The following CEP85L variants were observed in gnomAD, a reference collection of about 807,000 sequenced individuals.
The protein encoded by CEP85L is centrosomal protein 85L, also known as centrosomal protein of 85 kDa-like.
Under a neutral mutation model 100.3 loss-of-function variants are expected in CEP85L, and 60 were observed. The observed-to-expected ratio is 0.60, with a 90% CI of 0.49 to 0.74. The LOEUF is 0.74. CEP85L is among the 30% of genes least tolerant of loss of function. The pLI is 0.00. For missense variants in CEP85L, 973 were observed against 936.2 expected (o/e 1.04, Z -0.51); for synonymous variants, 319 against 322.7 (o/e 0.99, Z 0.12).
intron 4 of CEP85L, among the ~76,000 whole-genome samples, chr6:118,517,781 G>A (rs1034029114): frequency 6.6e-6 from 1 of 152,188 alleles, no homozygotes; most frequent in Non-Finnish European, 1.5e-5. Flanking sequence ...ATGTTGAAGA[G>A]GAGTGTGAGA....
At chr6:118,616,922 G>T (rs1173061080) in intron 2 of CEP85L, among the ~76,000 whole-genome samples, 2 of 150,646 alleles carry the variant, frequency 1.3e-5, no homozygotes, top group African/African-American at 4.9e-5. Flanking sequence ...TCCAGCCTGG[G>T]CAAGAGAGCG....
At chr6:118,627,053 GC>G (rs1424688848) in intron 2 of CEP85L, among the ~76,000 whole-genome samples, 1 of 151,916 alleles carries the variant, frequency 6.6e-6, no homozygotes, top group Admixed American at 6.5e-5. Context: ...AGAAAAATTA[GC>G]CAGGCATGGT....
At chr6:118,682,104 A>G (rs1020104723) in intron 1 of CEP85L, among the ~76,000 whole-genome samples, 8 of 152,174 alleles carry the variant, frequency 5.3e-5, no homozygotes, top group Admixed American at 4.6e-4. Flanking sequence ...TCTTACTTAC[A>G]GGCCACCTCA....
At chr6:118,632,659 G>A in intron 1 of CEP85L, 48 bp from the exon 2 acceptor site, 4 of 1,507,012 alleles carry the variant, frequency 2.7e-6, no homozygotes, top group South Asian at 1.3e-5. Flanking sequence ...TGAGTAGGCA[G>A]AAGATTTTTT....
chr6:118,465,451 G>C lies in CEP85L; in HGVS notation c.2372C>G (p.Ser791Ter). 1 of 1,613,548 alleles carries C rather than the reference G, an allele frequency of 6.2e-7. No individual in the cohort carries two copies. Among genetic ancestry groups the C allele is most frequent in the South Asian group, 1.1e-5 (1 of 91,066 alleles). Residue 791 changes from serine (S) to a stop codon, truncating the protein, a stop_gained, in exon 13 of 13, where the codon TCA becomes TGA. Coordinates refer to ENST00000368491, the MANE Select transcript of CEP85L (RefSeq NM_001042475.3). LOFTEE classifies it high-confidence loss of function. Reference protein sequence around the residue: ...RDIDELRTTISDRYAQDMGDN... With the variant: ...RDIDELRTTI ...TCCCATGTCCTGAGCATAGCGGTCT[G>C]ATATTGTAGTCCTTAATTCATCAAT... is the stretch of plus-strand genomic sequence containing the variant.
At chr6:118,647,879 AT>A (rs1396762720) in intron 1 of CEP85L, among the ~76,000 whole-genome samples, 1 of 152,232 alleles carries the variant, frequency 6.6e-6, no homozygotes, top group Non-Finnish European at 1.5e-5. Context: ...CAATTGTTCT[AT>A]TTTAAATTAG....
At chr6:118,650,160 G>A (rs1775452838) in intron 1 of CEP85L, among the ~76,000 whole-genome samples, 1 of 152,136 alleles carries the variant, frequency 6.6e-6, no homozygotes, top group Non-Finnish European at 1.5e-5. Flanking sequence ...GTGGAGCAAG[G>A]TTACTTAACA....
upstream of CEP85L, among the ~76,000 whole-genome samples, chr6:118,655,180 G>A (rs369364414): frequency 2.6e-5 from 4 of 152,292 alleles, no homozygotes; most frequent in African/African-American, 9.6e-5. Flanking sequence ...GTGGTATGGC[G>A]AGGCCAAGAC....
intron 5 of CEP85L, among the ~76,000 whole-genome samples, chr6:118,494,534 C>T (rs770881513): frequency 9.9e-5 from 15 of 152,152 alleles, no homozygotes; most frequent in Non-Finnish European, 1.9e-4. Context: ...GCTCCTTTGG[C>T]CTTCCCTGTG....
At chr6:118,671,987 T>C (rs1776319969) in intron 1 of CEP85L, among the ~76,000 whole-genome samples, 1 of 152,180 alleles carries the variant, frequency 6.6e-6, no homozygotes, top group South Asian at 2.1e-4. Context: ...CTGTTTGAAA[T>C]AGGGAGGAAG....
chr6:118,468,743 T>C (rs902448241), intron 12 of CEP85L, among the ~76,000 whole-genome samples: 2 of 152,166 alleles, frequency 1.3e-5, no homozygotes, highest in Non-Finnish European at 2.9e-5. Context: ...ACTTAATCTA[T>C]ACAACTAACA....
rs533541630 is a variant in CEP85L at position 118,617,678 on chromosome 6, C to T, written c.232+14775G>A. ...CCATGCTGTGGAAGCTTTGTACTTT[C>T]GCTCTGCTCAATAAAACCTACAGCT... On this transcript the variant is annotated intron_variant, in intron 2 of 12. Transcript: ENST00000368491. 1.9e-4 allele frequency among the ~76,000 whole-genome samples: 29 copies of T among 152,264 alleles called. 1 individual carries two copies. Among genetic ancestry groups the T allele is most frequent in the African/African-American group, 5.8e-4 (24 of 41,548 alleles).
chr6:118,493,787 T>C (rs1452984831), intron 5 of CEP85L, among the ~76,000 whole-genome samples: 1 of 152,144 alleles, frequency 6.6e-6, no homozygotes, highest in African/African-American at 2.4e-5. Context: ...TAAGCAGATA[T>C]ACTTAATATA....
chr6:118,562,576 T>A (rs1411504901), intron 3 of CEP85L, among the ~76,000 whole-genome samples: 1 of 152,066 alleles, frequency 6.6e-6, no homozygotes, highest in Non-Finnish European at 1.5e-5. Context: ...CCCAGGCTGG[T>A]CCCAAACTCC....
chr6:118,658,251 T>C (rs1230931472), intron 1 of CEP85L, among the ~76,000 whole-genome samples: 1 of 152,138 alleles, frequency 6.6e-6, no homozygotes, highest in Non-Finnish European at 1.5e-5. Flanking sequence ...AAATAATACA[T>C]ATAAAAAACA....
intron 3 of CEP85L, among the ~76,000 whole-genome samples, chr6:118,535,352 C>A (rs978762635): frequency 1.3e-5 from 2 of 152,132 alleles, no homozygotes; most frequent in African/African-American, 4.8e-5. Flanking sequence ...AGAATCAGAT[C>A]AGTGGTTGCC....
At chr6:118,520,914 G>A (rs1441907509) in intron 4 of CEP85L, among the ~76,000 whole-genome samples, 1 of 152,114 alleles carries the variant, frequency 6.6e-6, no homozygotes, top group East Asian at 1.9e-4. Flanking sequence ...TTTCTCATGA[G>A]ATGGGGAGCA....
chr6:118,608,001 C>T (rs144633420), intron 2 of CEP85L, among the ~76,000 whole-genome samples: 2,177 of 152,092 alleles, frequency 0.014, 34 homozygotes, highest in Middle Eastern at 0.048. Flanking sequence ...GTCCACAGTG[C>T]AAAATGAAAG....
chr6:118,675,906 A>T (rs969394777), intron 1 of CEP85L, among the ~76,000 whole-genome samples: 2 of 152,256 alleles, frequency 1.3e-5, no homozygotes, highest in Admixed American at 1.3e-4. Context: ...ACGATGATGG[A>T]TCTAGAATAT....
Sources: allele counts gnomAD v4.1 joint callset (sites outside exome capture counted in the v4.1 genomes callset), GRCh38; gene constraint gnomAD v4.1.1; transcripts MANE v1.5; gene names NCBI Gene and HGNC (gene_info 2026-07-23, HGNC 2026-07-21).